Variants in RHPN1 observed in about 807,000 individuals in gnomAD.
RHPN1 encodes the protein rhophilin Rho GTPase binding protein 1.
In RHPN1, 77 loss-of-function variants were observed where a neutral mutation model predicts 74.7. The observed-to-expected ratio is 1.03, with a 90% CI of 0.86 to 1.25. The LOEUF (loss-of-function observed/expected upper bound fraction) is 1.25. Ranked by LOEUF, RHPN1 falls within the 50% of genes most tolerant of loss-of-function variation. The pLI is 0.00. For missense variants in RHPN1, 987 were observed against 932.2 expected (o/e 1.06, Z -0.77); for synonymous variants, 444 against 414.5 (o/e 1.07, Z -0.87).
intron 1 of RHPN1, among the ~76,000 whole-genome samples, chr8:143,372,367 C>G (rs1358703817): frequency 2.0e-5 from 3 of 152,146 alleles, no homozygotes; most frequent in Admixed American, 2.0e-4. Flanking sequence ...CGCCCATGCC[C>G]CTCTCCCACC....
upstream of RHPN1, among the ~76,000 whole-genome samples, chr8:143,365,395 C>G (rs1242793162): frequency 6.6e-6 from 1 of 152,238 alleles, no homozygotes; most frequent in East Asian, 1.9e-4. Context: ...TTCCACATTT[C>G]TCTATCTAGA....
Position 143,379,380 on chromosome 8 carries a change from C to G in RHPN1, c.817C>G (p.Leu273Val), listed in dbSNP as rs1386682973. 6.2e-7 allele frequency: 1 copy of G among 1,600,544 alleles called. No homozygotes were observed. The highest frequency in any genetic ancestry group is 1.7e-5 in the Admixed American group (1 of 58,854). Reference sequence around the variant, plus strand: ...GAGCCCAGACATGAGCGCTGCGTCCCTCTGCGCACTGGAGCAGCTCATGAT... The same window carrying G: ...GAGCCCAGACATGAGCGCTGCGTCCGTCTGCGCACTGGAGCAGCTCATGAT... ...APSPDMSAAS[L>V]CALEQLMMAQ... The change falls in exon 8 of 15, where the codon CTC becomes GTC. Residue 273 changes from leucine to valine, a missense_variant. Transcript: ENST00000289013.
chr8:143,378,471 C>G, intron 5 of RHPN1, 125 bp downstream of exon 5: 1 of 998,750 alleles, frequency 1.0e-6, no homozygotes, highest in Non-Finnish European at 1.5e-6. Flanking sequence ...GGGAGACGGG[C>G]GCACCAGGGG....
chr8:143,366,662 C>T (rs1393559166), upstream of RHPN1: 1 of 152,170 alleles, frequency 6.6e-6, no homozygotes, highest in African/African-American at 2.4e-5. Flanking sequence ...GAATATTTTC[C>T]TTCAGGAAAC....
At chr8:143,376,029 G>A (rs1296795343) in intron 2 of RHPN1, among the ~76,000 whole-genome samples, 1 of 152,234 alleles carries the variant, frequency 6.6e-6, no homozygotes, top group African/African-American at 2.4e-5. Flanking sequence ...GAAGACCTGG[G>A]CTGCCTCTTC....
chr8:143,377,484 A>G (rs1360249480), intron 4 of RHPN1, 29 bp downstream of exon 4: 9 of 1,561,752 alleles, frequency 5.8e-6, no homozygotes, highest in East Asian at 2.2e-5. Context: ...GCTCTGAGAT[A>G]CACGGCCCTG....
At chr8:143,380,563 G>T in intron 10 of RHPN1, 26 bp from the exon 11 acceptor site, 1 of 1,468,376 alleles carries the variant, frequency 6.8e-7, no homozygotes, top group Non-Finnish European at 9.0e-7. Flanking sequence ...CACATGGTGT[G>T]TGACATCCCA....
At position 143,381,582 on chromosome 8, in the gene RHPN1, CTG is replaced by C. The variant is rs1166584260; in HGVS notation, c.1503_1504del (p.Phe502LeufsTer93). ...CTGAGCCCCTGCCAGGGGCCCCTGT[CTG>C]TGTTCTCAGCCAAGAACCGGTGGCG... is the stretch of plus-strand genomic sequence containing the variant. On this transcript the variant is annotated frameshift_variant, in exon 13 of 15. Transcript: ENST00000289013. LOFTEE classifies it high-confidence loss of function. 1.9e-6 allele frequency: 3 copies of C among 1,608,592 alleles called. No homozygotes were observed. In the South Asian group the frequency reaches 3.3e-5, roughly 18 times the overall value.
Position 143,377,459 on chromosome 8 carries a change from G to A in RHPN1, c.381+4G>A. On this transcript the variant is annotated splice_donor_region_variant and intron_variant, in intron 4 of 14. Transcript: ENST00000289013. The stretch of plus-strand genomic sequence containing the variant: ...GGACTGGTCTACACCGCTGAAGGTA[G>A]GTACTGGCCTCCAAGCTCTGAGATA... 1 of 1,610,018 alleles carries A rather than the reference G, an allele frequency of 6.2e-7. No homozygotes were observed. Among genetic ancestry groups the A allele is most frequent in the Non-Finnish European group, 8.5e-7 (1 of 1,176,664 alleles).
chr8:143,380,255 T>C, intron 10 of RHPN1, 80 bp downstream of exon 10: 1 of 986,636 alleles, frequency 1.0e-6, no homozygotes, highest in East Asian at 2.6e-5. Flanking sequence ...ACCCTCATGC[T>C]GTTTGCCACC....
In RHPN1 at chr8:143,382,752, C is replaced by A; in HGVS notation, c.*101C>A. The A allele has an allele frequency of 9.5e-7, 1 of 1,049,780 alleles. No individual in the cohort carries two copies. The highest frequency in any genetic ancestry group is 1.4e-6 in the Non-Finnish European group (1 of 729,820). 65.0% of individuals were successfully genotyped at this position (1,049,780 alleles called of 1,614,324 possible). A position where few individuals can be genotyped will look rare whatever the true frequency, so the allele number is the denominator to read the frequency against. On this transcript the variant is annotated 3_prime_UTR_variant, in exon 15 of 15. Transcript: ENST00000289013. ...GACCTCCGGGCAATGCCTGTCCCGC[C>A]TCATGCTGGAGGCTGCCTCGGGCAC...
chr8:143,380,904 A>G, intron 11 of RHPN1, 121 bp downstream of exon 11: 1 of 867,420 alleles, frequency 1.2e-6, no homozygotes, highest in South Asian at 1.8e-5. Context: ...AAACAGCAGT[A>G]GCACTTTCCA....
chr8:143,377,982 C>T (rs915952647), intron 4 of RHPN1, among the ~76,000 whole-genome samples: 2 of 152,224 alleles, frequency 1.3e-5, no homozygotes, highest in Admixed American at 6.5e-5. Context: ...GTAAAAGTAG[C>T]GCTGAGTCTC....
intron 5 of RHPN1, 51 bp downstream of exon 5, chr8:143,378,397 G>A: frequency 8.5e-7 from 1 of 1,174,164 alleles, no homozygotes; most frequent in Non-Finnish European, 1.1e-6. Flanking sequence ...GGAGACACAT[G>A]CGGAGGCTGA....
upstream of RHPN1, chr8:143,368,300 A>C (rs1382755945): frequency 1.3e-5 from 2 of 153,640 alleles, no homozygotes; most frequent in African/African-American, 4.8e-5. Flanking sequence ...GACTGGGGCC[A>C]GGCCTGGAGC....
In RHPN1 at chr8:143,375,805, C is replaced by T. The variant is rs1005670037; in HGVS notation, c.176+137C>T. 51 of 619,892 alleles carry T rather than the reference C, an allele frequency of 8.2e-5. No individual in the cohort carries two copies. The Admixed American group carries it at 1.4e-3, about 17-fold the overall frequency. The allele number at this position is 619,892 out of a possible 1,614,324, so 38.4% of individuals were successfully genotyped here. A position where few individuals can be genotyped will look rare whatever the true frequency, so the allele number is the denominator to read the frequency against. On this transcript the variant is annotated intron_variant, in intron 2 of 14. Coordinates refer to ENST00000289013, the MANE Select transcript of RHPN1 (RefSeq NM_052924.3). ...ATGAGCAGCTGGGTCCTGGTGGGCA[C>T]GTAGTACACGTGATGCTCAGCCATG... is the stretch of plus-strand genomic sequence containing the variant.
chr8:143,382,092 G>A (rs1044951992), intron 14 of RHPN1, 124 bp downstream of exon 14: 8 of 1,003,464 alleles, frequency 8.0e-6, no homozygotes, highest in Non-Finnish European at 1.1e-5. Context: ...ACCCTCCCTG[G>A]GCCGCCTCCT....
upstream of RHPN1, among the ~76,000 whole-genome samples, chr8:143,364,330 TCTCC>T (rs911504738): frequency 7.2e-5 from 11 of 151,960 alleles, no homozygotes; most frequent in African/African-American, 1.5e-4. The surrounding 1 kb of genome is among the most constrained non-coding windows in gnomAD (Gnocchi z 4.5). Context: ...ACCATGGGCG[TCTCC>T]CTCCCTCCCT....
rs751274170 is a variant in RHPN1, at chr8:143,369,032, G to A, written c.45G>A (p.Glu15=). The part of the protein sequence containing the change: ...ERPDGAGAGE[E]SPRLQGCDSL... ...CGGACGGCGCGGGCGCCGGCGAGGA[G>A]AGCCCGCGGCTGCAGGTGCGCAGAA... The change falls in exon 1 of 15, where the codon GAG becomes GAA. Residue 15 remains glutamate (E), a synonymous_variant. Transcript: ENST00000289013. 8.0e-6 allele frequency: 12 copies of A among 1,495,564 alleles called. No individual in the cohort carries two copies. In the African/African-American group the frequency reaches 1.0e-4, roughly 13 times the overall value. The allele number at this position is 1,495,564 out of a possible 1,614,324, so 92.6% of individuals were successfully genotyped here.
Sources: allele counts gnomAD v4.1 joint callset (sites outside exome capture counted in the v4.1 genomes callset), GRCh38; gene constraint gnomAD v4.1.1; non-coding constraint Gnocchi (gnomAD v3.1); transcripts MANE v1.5; gene names NCBI Gene and HGNC (gene_info 2026-07-23, HGNC 2026-07-21).